CEP152: variants seen among roughly 807,000 people sequenced by gnomAD.
CEP152 encodes centrosomal protein of 152 kDa.
Under a neutral mutation model 188.9 loss-of-function variants are expected in CEP152, and 132 were observed. The ratio of observed to expected loss-of-function variants is 0.70; its 90% CI spans 0.61 to 0.81. CEP152 has a LOEUF of 0.81. Ranked by LOEUF, CEP152 falls within the 30% of genes least tolerant of loss-of-function variation. The pLI is 0.00. For synonymous variants in CEP152, 649 were observed against 666.6 expected, an observed-to-expected ratio of 0.97 and a Z score of 0.41; for missense variants, 1,914 against 1,969.8, an observed-to-expected ratio of 0.97 and a Z score of 0.54.
intron 20 of CEP152, 28 bp downstream of exon 20, chr15:48,755,875 A>G: frequency 1.2e-6 from 2 of 1,612,484 alleles, no homozygotes; most frequent in Non-Finnish European, 1.7e-6. Context: ...TTGGTGTTCA[A>G]TACCTTCTCT....
intron 1 of CEP152, among the ~76,000 whole-genome samples, chr15:48,808,198 C>T (rs1261288176): frequency 6.6e-6 from 1 of 151,334 alleles, no homozygotes; most frequent in East Asian, 1.9e-4. Flanking sequence ...TTAATCACCA[C>T]TCATTATCAC....
chr15:48,759,604 C>A (rs1344674189), intron 19 of CEP152, among the ~76,000 whole-genome samples: 2 of 152,220 alleles, frequency 1.3e-5, no homozygotes, highest in South Asian at 4.1e-4. Context: ...TTTCCAAAAA[C>A]ATTTTATAGA....
At chr15:48,783,034 G>C (rs775599675) in intron 10 of CEP152, among the ~76,000 whole-genome samples, 10 of 152,018 alleles carry the variant, frequency 6.6e-5, no homozygotes, top group Non-Finnish European at 1.2e-4. Flanking sequence ...CTTTTGAATA[G>C]CCCACCCTTT....
chr15:48,809,314 A>G (rs1346207702), intron 1 of CEP152, among the ~76,000 whole-genome samples: 1 of 152,190 alleles, frequency 6.6e-6, no homozygotes, highest in African/African-American at 2.4e-5. Context: ...ATCATATCCT[A>G]GATGCACCTA....
At chr15:48,745,188 A>ATCT (rs1459532250) in intron 22 of CEP152, among the ~76,000 whole-genome samples, 196 bp from the exon 23 acceptor site, 2 of 151,888 alleles carry the variant, frequency 1.3e-5, no homozygotes, top group Middle Eastern at 3.4e-3. Context: ...TCTGTATCCC[A>ATCT]TCTTCTTCTT....
intron 1 of CEP152, among the ~76,000 whole-genome samples, chr15:48,807,691 A>G (rs576969575): frequency 1.9e-4 from 29 of 152,300 alleles, no homozygotes; most frequent in African/African-American, 7.0e-4. Flanking sequence ...AAATATAAAT[A>G]CAAGACGAAA....
chr15:48,729,824 G>A (rs993017367), intron 2 of CEP152: 3 of 151,816 alleles, frequency 2.0e-5, no homozygotes, highest in Non-Finnish European at 2.9e-5. Flanking sequence ...TCTAAATGCA[G>A]GGTATATAGG....
chr15:48,737,754 T>C (rs1892674849), downstream of CEP152, among the ~76,000 whole-genome samples: 5 of 152,328 alleles, frequency 3.3e-5, no homozygotes, highest in South Asian at 1.0e-3. Flanking sequence ...TTTGAGTAGA[T>C]ATTGCTAGGA....
chr15:48,765,344 A>C (rs1894981127), intron 17 of CEP152, among the ~76,000 whole-genome samples: 1 of 152,160 alleles, frequency 6.6e-6, no homozygotes, highest in Non-Finnish European at 1.5e-5. Context: ...AGTCAATTTT[A>C]CTGTATAACA....
chr15:48,802,076 C>A (rs1021254428), intron 2 of CEP152, among the ~76,000 whole-genome samples: 6 of 148,246 alleles, frequency 4.0e-5, no homozygotes, highest in Non-Finnish European at 7.4e-5. Context: ...GGCAACAGAG[C>A]GAGACTCCAT....
At position 48,796,323 on chromosome 15, in the gene CEP152, CATATAT is replaced by C. The variant is rs201681953; in HGVS notation, c.541-169_541-164del. 1.3e-3 allele frequency among the ~76,000 whole-genome samples: 179 copies of C among 135,564 alleles called. 1 individual carries two copies. The highest frequency in any genetic ancestry group is 4.4e-3 in the African/African-American group (166 of 37,394). 88.9% of individuals were successfully genotyped at this position (135,564 alleles called of 152,430 possible). ...ACACACACACACACACACACACACA[CATATAT>C]ATATCTGCTCAAAAGTAGCACGTAT... On this transcript the variant is annotated intron_variant, in intron 5 of 26. Coordinates refer to ENST00000380950, the MANE Select transcript of CEP152 (RefSeq NM_001194998.2).
At chr15:48,796,271 C>A in intron 5 of CEP152, 111 bp from the exon 6 acceptor site, 36 of 1,036,564 alleles carry the variant, frequency 3.5e-5, no homozygotes, top group Middle Eastern at 2.7e-4. Context: ...TGGTACAGTT[C>A]AAAGTTGTTT....
intron 17 of CEP152, among the ~76,000 whole-genome samples, chr15:48,765,390 G>C: frequency 6.6e-6 from 1 of 151,572 alleles, no homozygotes; most frequent in Non-Finnish European, 1.5e-5. Context: ...TTAAGTTTTG[G>C]GATACACGTG....
In CEP152 at chr15:48,768,261, A is replaced by G. The variant is rs765681034; in HGVS notation, c.1976T>C (p.Met659Thr). 1 of 1,612,644 alleles carries G rather than the reference A, an allele frequency of 6.2e-7. No individual in the cohort carries two copies. The highest frequency in any genetic ancestry group is 1.3e-5 in the African/African-American group (1 of 75,018). Residue 659 changes from methionine (M) to threonine (T), a missense_variant, in exon 15 of 27, where the codon ATG (methionine) becomes ACG (threonine). Transcript: ENST00000380950. ...TTTGTCATGGTCAAAATCTTGTACC[A>G]TTTGTCTCATTTGATTACATAAGTC... Reference protein sequence around the residue: ...NQDLCNQMRQMVQDFDHDKQE... With the variant: ...NQDLCNQMRQTVQDFDHDKQE...
In CEP152 at chr15:48,772,559, G is replaced by C. The variant is rs1473321883; in HGVS notation, c.1710C>G (p.Asp570Glu). The C allele has an allele frequency of 6.2e-7, 1 of 1,613,808 alleles. No homozygotes were observed. Among genetic ancestry groups the C allele is most frequent in the Non-Finnish European group, 8.5e-7 (1 of 1,179,984 alleles). ...KRHLVSQLQN[D>E]LKDCHKKIED... ...CAATTTTCTTATGACAGTCTTTGAG[G>C]TCATTTTGTAACTGAGACACCAGAT... Residue 570 changes from aspartate to glutamate, a missense_variant, in exon 13 of 27, where the codon GAC (aspartate) becomes GAG (glutamate). By Grantham distance (45) the Asp-to-Glu change is conservative (BLOSUM62 2). Transcript: ENST00000380950.
intron 17 of CEP152, among the ~76,000 whole-genome samples, chr15:48,762,944 A>C (rs765921884): frequency 6.6e-6 from 1 of 152,120 alleles, no homozygotes; most frequent in Admixed American, 6.5e-5. Flanking sequence ...TTAATATCCA[A>C]CCTTCTGGAA....
At chr15:48,769,619 T>C (rs546255933) in intron 13 of CEP152, among the ~76,000 whole-genome samples, 4 of 152,206 alleles carry the variant, frequency 2.6e-5, no homozygotes, top group Non-Finnish European at 5.9e-5. Flanking sequence ...GTCATCTCCA[T>C]TGTAAACTTA....
At chr15:48,786,291 G>C (rs1291758973) in intron 9 of CEP152, among the ~76,000 whole-genome samples, 3 of 151,966 alleles carry the variant, frequency 2.0e-5, no homozygotes, top group Non-Finnish European at 4.4e-5. Flanking sequence ...TTTACTAGGA[G>C]AGAATTATGA....
Position 48,787,163 on chromosome 15 carries a change from G to GTTTTTTTTTTTTTT in CEP152, c.1173+1624_1173+1637dup, listed in dbSNP as rs747436177. 1.5e-4 allele frequency among the ~76,000 whole-genome samples: 15 copies of GTTTTTTTTTTTTTT among 101,520 alleles called. 1 individual carries two copies. Among genetic ancestry groups the GTTTTTTTTTTTTTT allele is most frequent in the Non-Finnish European group, 1.5e-4 (8 of 53,412 alleles). 66.6% of individuals were successfully genotyped at this position (101,520 alleles called of 152,430 possible). A position where few individuals can be genotyped will look rare whatever the true frequency, so the allele number is the denominator to read the frequency against. The stretch of plus-strand genomic sequence containing the variant: ...TTTTCAATAATTTGGTATAGCCTTC[G>GTTTTTTTTTTTTTT]TTTTTTTTTTTTTTTTTTTCTGGAA... On this transcript the variant is annotated intron_variant, in intron 9 of 26. Coordinates refer to ENST00000380950, the MANE Select transcript of CEP152 (RefSeq NM_001194998.2).
Sources: gnomAD v4.1 joint callset for allele counts (sites outside exome capture counted in the v4.1 genomes callset) on GRCh38, gnomAD v4.1.1 for gene constraint, MANE v1.5 for transcripts, NCBI Gene and HGNC (gene_info 2026-07-23, HGNC 2026-07-21) for gene names.